MITF: variants seen among roughly 807,000 people sequenced by gnomAD.
MITF encodes the protein melanocyte inducing transcription factor.
In MITF, 17 loss-of-function variants were observed where a neutral mutation model predicts 60.5. The observed-to-expected ratio is 0.28, with a 90% CI of 0.19 to 0.42. The LOEUF (loss-of-function observed/expected upper bound fraction) is 0.42. Ranked by LOEUF, MITF falls within the 10% of genes least tolerant of loss-of-function variation. The pLI is 1.00. For missense variants in MITF, 622 were observed against 683.5 expected (o/e 0.91, Z 1.00); for synonymous variants, 260 against 248.5 (o/e 1.05, Z -0.43).
At chr3:69,835,277 C>T (rs1559661821) in intron 1 of MITF, among the ~76,000 whole-genome samples, 2 of 152,104 alleles carry the variant, frequency 1.3e-5, no homozygotes, top group South Asian at 4.1e-4. Flanking sequence ...CTCAGCTTCC[C>T]AAAGTGCTGG....
chr3:69,811,902 C>G (rs59846970), intron 1 of MITF, among the ~76,000 whole-genome samples: 24,818 of 152,016 alleles, frequency 0.16, 2,157 homozygotes, highest in South Asian at 0.21. Flanking sequence ...GAGAGACGGA[C>G]AGGAGAGCTT....
intron 5 of MITF, among the ~76,000 whole-genome samples, chr3:69,943,746 C>T (rs2066026197): frequency 6.6e-6 from 1 of 152,044 alleles, no homozygotes; most frequent in South Asian, 2.1e-4. Context: ...TTTCCACATA[C>T]CACCCCTTCT....
chr3:69,747,048 C>T (rs1388193471), intron 1 of MITF, among the ~76,000 whole-genome samples: 1 of 152,178 alleles, frequency 6.6e-6, no homozygotes, highest in Non-Finnish European at 1.5e-5. Context: ...AGACCCCTGT[C>T]CTGGGATTCA....
intron 6 of MITF, among the ~76,000 whole-genome samples, chr3:69,951,054 A>G (rs1310335717): frequency 6.8e-6 from 1 of 147,732 alleles, no homozygotes; most frequent in African/African-American, 2.5e-5. Flanking sequence ...TCTATGAAGT[A>G]GTGAACTAGT....
intron 1 of MITF, among the ~76,000 whole-genome samples, chr3:69,841,989 A>G (rs886517810): frequency 6.6e-6 from 1 of 152,224 alleles, no homozygotes. Flanking sequence ...TTCATGACAT[A>G]TGTTAAGCTT....
At chr3:69,932,154 G>A (rs2065738808) in intron 2 of MITF, among the ~76,000 whole-genome samples, 1 of 152,198 alleles carries the variant, frequency 6.6e-6, no homozygotes, top group Non-Finnish European at 1.5e-5. Flanking sequence ...AACTTTCCTA[G>A]AGAGCAGGGG....
chr3:69,903,474 G>C (rs2065035117), intron 2 of MITF, among the ~76,000 whole-genome samples: 1 of 152,070 alleles, frequency 6.6e-6, no homozygotes, highest in Non-Finnish European at 1.5e-5. Flanking sequence ...GTGTAGGTAA[G>C]AGAGTGTGGA....
At chr3:69,950,455 TA>T (rs2066216255) in intron 6 of MITF, among the ~76,000 whole-genome samples, 1 of 143,864 alleles carries the variant, frequency 7.0e-6, no homozygotes, top group Non-Finnish European at 1.5e-5. Context: ...GAGTTATATA[TA>T]TATATATATA....
chr3:69,821,496 G>A (rs1376966814), intron 1 of MITF, among the ~76,000 whole-genome samples: 2 of 151,930 alleles, frequency 1.3e-5, no homozygotes, highest in Non-Finnish European at 2.9e-5. Context: ...CGTACACTTC[G>A]ATTCAAGTTG....
intron 1 of MITF, among the ~76,000 whole-genome samples, chr3:69,855,063 C>T (rs2063891958): frequency 6.6e-6 from 1 of 151,928 alleles, no homozygotes; most frequent in Non-Finnish European, 1.5e-5. Context: ...GACCAGCCCC[C>T]TCATGTTGTA....
At chr3:69,949,326 G>A (rs1027627695) in intron 6 of MITF, among the ~76,000 whole-genome samples, 158 bp downstream of exon 6, 5 of 151,982 alleles carry the variant, frequency 3.3e-5, no homozygotes, top group South Asian at 2.1e-4. Flanking sequence ...ATTTTAAGAC[G>A]GAGAATTTAT....
At chr3:69,892,162 T>C (rs1403543127) in intron 2 of MITF, among the ~76,000 whole-genome samples, 2 of 152,230 alleles carry the variant, frequency 1.3e-5, no homozygotes, top group African/African-American at 4.8e-5. Context: ...TCATTTTTTT[T>C]CTTATTTTTA....
intron 7 of MITF, among the ~76,000 whole-genome samples, chr3:69,955,430 AATTAT>A (rs1272343580): frequency 6.6e-6 from 1 of 152,110 alleles, no homozygotes; most frequent in Admixed American, 6.5e-5. Context: ...CTTATATGTA[AATTAT>A]ATTATATTTC....
At chr3:69,834,691 A>G (rs2063510153) in intron 1 of MITF, among the ~76,000 whole-genome samples, 1 of 152,140 alleles carries the variant, frequency 6.6e-6, no homozygotes, top group Non-Finnish European at 1.5e-5. Context: ...TATATATCCA[A>G]TAGAAGGGTT....
intron 1 of MITF, among the ~76,000 whole-genome samples, chr3:69,846,955 A>G (rs1319575721): frequency 6.6e-6 from 1 of 152,118 alleles, no homozygotes; most frequent in Non-Finnish European, 1.5e-5. Flanking sequence ...CTTTAATGAT[A>G]ATTCCATATT....
chr3:69,744,399 C>A lies in MITF; in HGVS notation c.104+4698C>A, dbSNP rs549134964. 2.0e-5 allele frequency among the ~76,000 whole-genome samples: 3 copies of A among 152,010 alleles called. No individual in the cohort carries two copies. In the East Asian group the frequency reaches 5.8e-4, roughly 29 times the overall value. ...GAACCACTAGCATAGAGATGAAGAG[C>A]CTTGTTCTGCCATCGATGTCTGTCC... On this transcript the variant is annotated intron_variant, in intron 1 of 9. Transcript: ENST00000352241.
intron 8 of MITF, 27 bp downstream of exon 8, chr3:69,956,557 A>G (rs771360224): frequency 1.3e-6 from 2 of 1,580,148 alleles, no homozygotes; most frequent in East Asian, 4.5e-5. Context: ...GTTAATCTGC[A>G]TCATATATTT....
chr3:69,829,262 A>G (rs139423087), intron 1 of MITF, among the ~76,000 whole-genome samples: 1 of 152,352 alleles, frequency 6.6e-6, no homozygotes, highest in East Asian at 1.9e-4. Flanking sequence ...CTAATGCCAC[A>G]GACGGTTTAG....
intron 1 of MITF, among the ~76,000 whole-genome samples, chr3:69,829,193 T>C (rs1199591527): frequency 6.6e-6 from 1 of 152,326 alleles, no homozygotes; most frequent in South Asian, 2.1e-4. Flanking sequence ...GAATTCACTT[T>C]TATATAGTCT....
Sources: allele counts gnomAD v4.1 joint callset (sites outside exome capture counted in the v4.1 genomes callset), GRCh38; gene constraint gnomAD v4.1.1; transcripts MANE v1.5; gene names NCBI Gene and HGNC (gene_info 2026-07-23, HGNC 2026-07-21).